NHSL2: variants seen among roughly 807,000 people sequenced by gnomAD.
The protein encoded by NHSL2 is NHS-like protein 2.
NHSL2 carries 27 observed loss-of-function variants against 53.4 expected under a neutral mutation model. That is an observed-to-expected ratio of 0.51 (90% CI 0.37 to 0.70). NHSL2 has a LOEUF of 0.70. Among genes scored for constraint, NHSL2 ranks in the 30% least tolerant of loss-of-function variants. The pLI is 0.00. For missense variants in NHSL2, 892 were observed against 980.1 expected (o/e 0.91, Z 1.20); for synonymous variants, 408 against 404.1 (o/e 1.01, Z -0.12).
chrX:72,009,036 T>G (rs753246474), intron 1 of NHSL2, among the ~76,000 whole-genome samples: 2 of 112,486 alleles, frequency 1.8e-5, no homozygotes, highest in South Asian at 7.3e-4. Flanking sequence ...TGACATGATC[T>G]CCTACAAATC....
chrX:72,126,204 A>G (rs1444400362), intron 1 of NHSL2, among the ~76,000 whole-genome samples: 2 of 111,681 alleles, frequency 1.8e-5, no homozygotes, highest in South Asian at 3.8e-4. Context: ...CTCTGAAACC[A>G]GGGTTTGTTT....
At chrX:72,081,809 T>C (rs1308954627) in intron 1 of NHSL2, among the ~76,000 whole-genome samples, 1 of 112,736 alleles carries the variant, frequency 8.9e-6, no homozygotes, top group Non-Finnish European at 1.9e-5. Context: ...TAAATCTTTG[T>C]CCTAGACAAC....
At chrX:71,955,895 C>T (rs150297556) in intron 1 of NHSL2, among the ~76,000 whole-genome samples, 1 of 110,803 alleles carries the variant, frequency 9.0e-6, no homozygotes, top group East Asian at 2.8e-4. Context: ...CTCTCCCTGG[C>T]TCGCCCTGGA....
chrX:72,024,256 T>C lies in NHSL2; in HGVS notation c.281-107823T>C, dbSNP rs757984973. 1.1e-4 allele frequency among the ~76,000 whole-genome samples: 12 copies of C among 111,670 alleles called. No individual in the cohort carries two copies. In the South Asian group the frequency reaches 1.8e-3, roughly 17 times the overall value. On this transcript the variant is annotated intron_variant, in intron 1 of 7. Coordinates refer to ENST00000633930, the MANE Select transcript of NHSL2 (RefSeq NM_001013627.3). ...CTCTTACACAGGAAGCTGAGATCTATGGTAGGGCTTGTAACTATAATGGTT... is the reference window on the plus strand; with the variant it reads ...CTCTTACACAGGAAGCTGAGATCTACGGTAGGGCTTGTAACTATAATGGTT...
chrX:71,942,934 C>T (rs766203420), intron 1 of NHSL2, among the ~76,000 whole-genome samples: 1 of 105,265 alleles, frequency 9.5e-6, no homozygotes, highest in African/African-American at 3.5e-5. Context: ...TAGTCTTTGT[C>T]GAGGGCTCTA....
At position 71,954,062 on chromosome X, in the gene NHSL2, C is replaced by T. The variant is rs929667691; in HGVS notation, c.280+42695C>T. ...AAATCTGCACTAAGCTTGACTTCTGCTTATAAAACTACTCCTTGCTCCATT... is the reference window on the plus strand; with the variant it reads ...AAATCTGCACTAAGCTTGACTTCTGTTTATAAAACTACTCCTTGCTCCATT... On this transcript the variant is annotated intron_variant, in intron 1 of 7. Transcript: ENST00000633930. Among the ~76,000 whole-genome samples, 5 of 112,424 alleles carry T rather than the reference C, an allele frequency of 4.4e-5. No homozygotes were observed. The Admixed American group carries it at 4.7e-4, about 11-fold the overall frequency.
intron 1 of NHSL2, among the ~76,000 whole-genome samples, chrX:71,916,291 CATT>C (rs2041627676): frequency 8.9e-6 from 1 of 112,190 alleles, no homozygotes; most frequent in Non-Finnish European, 1.9e-5. Flanking sequence ...AAGAAAGTAA[CATT>C]ATTACCAAAA....
chrX:72,056,848 C>T (rs999722768), intron 1 of NHSL2, among the ~76,000 whole-genome samples: 2 of 112,705 alleles, frequency 1.8e-5, no homozygotes, highest in Non-Finnish European at 3.7e-5. Flanking sequence ...TCTATGGCAG[C>T]TGCTTTACGC....
chrX:71,974,847 G>A lies in NHSL2; in HGVS notation c.280+63480G>A, dbSNP rs759294168. The stretch of plus-strand genomic sequence containing the variant: ...CTACCTTAATGGAAAGTGTGATAGC[G>A]CTGTGCCACTGGGACAGATACCTCC... On this transcript the variant is annotated intron_variant, in intron 1 of 7. Transcript: ENST00000633930. Among the ~76,000 whole-genome samples the A allele has an allele frequency of 7.1e-5, 8 of 112,038 alleles. No individual in the cohort carries two copies. In the South Asian group the frequency reaches 1.1e-3, roughly 16 times the overall value.
At chrX:72,121,525 C>T (rs1019502037) in intron 1 of NHSL2, among the ~76,000 whole-genome samples, 2 of 111,697 alleles carry the variant, frequency 1.8e-5, no homozygotes, top group African/African-American at 3.3e-5. Context: ...CAAGTGTGAC[C>T]GCCTCAGCCC....
intron 1 of NHSL2, among the ~76,000 whole-genome samples, chrX:72,058,469 C>T (rs1033061427): frequency 1.8e-5 from 2 of 111,674 alleles, no homozygotes; most frequent in African/African-American, 3.3e-5. Flanking sequence ...CTCAGCGTCC[C>T]GAGTAGCTGG....
At chrX:72,119,183 G>T (rs1367454561) in intron 1 of NHSL2, among the ~76,000 whole-genome samples, 2 of 111,531 alleles carry the variant, frequency 1.8e-5, no homozygotes, top group Non-Finnish European at 3.8e-5. Context: ...CTATAGCATT[G>T]TATAAAGTTT....
rs771573442 is a variant in NHSL2, at chrX:72,033,183, C to CTTT, written c.281-98878_281-98876dup. 3.2e-3 allele frequency among the ~76,000 whole-genome samples: 250 copies of CTTT among 78,961 alleles called. 1 individual carries two copies. The highest frequency in any genetic ancestry group is 0.011 in the African/African-American group (225 of 19,848). The allele number at this position is 78,961 out of a possible 115,157, so 68.6% of individuals were successfully genotyped here. A position where few individuals can be genotyped will look rare whatever the true frequency, so the allele number is the denominator to read the frequency against. ...TATAAATCAATTTGGGAAGAATTGA[C>CTTT]TTTTTTTTTTTTTTTTTTTTGGGAG... On this transcript the variant is annotated intron_variant, in intron 1 of 7. Transcript: ENST00000633930.
chrX:72,118,696 G>A (rs1198365491), intron 1 of NHSL2, among the ~76,000 whole-genome samples: 1 of 112,011 alleles, frequency 8.9e-6, no homozygotes, highest in Non-Finnish European at 1.9e-5. Flanking sequence ...AAAGTGTTAG[G>A]ATTACAGGCA....
intron 1 of NHSL2, among the ~76,000 whole-genome samples, chrX:71,919,416 T>C (rs1413877975): frequency 1.8e-5 from 2 of 112,158 alleles, no homozygotes; most frequent in African/African-American, 6.5e-5. Context: ...ACACCATCAC[T>C]AAATACTAAG....
intron 1 of NHSL2, among the ~76,000 whole-genome samples, chrX:72,064,892 C>T (rs950225343): frequency 6.3e-5 from 7 of 111,620 alleles, no homozygotes; most frequent in African/African-American, 2.3e-4. Flanking sequence ...CCCCAAACTC[C>T]AAGTGAAGAC....
intron 1 of NHSL2, among the ~76,000 whole-genome samples, chrX:72,102,891 AG>A (rs969372487): frequency 8.9e-6 from 1 of 112,164 alleles, no homozygotes; most frequent in African/African-American, 3.2e-5. Flanking sequence ...GGTGAACACC[AG>A]GGTGACTCGT....
chrX:72,076,985 G>T (rs2041749084), intron 1 of NHSL2, among the ~76,000 whole-genome samples: 1 of 110,839 alleles, frequency 9.0e-6, no homozygotes. Flanking sequence ...ATTAGGGAGG[G>T]TAGCACAGAG....
At chrX:71,921,434 A>G (rs1374778913) in intron 1 of NHSL2, among the ~76,000 whole-genome samples, 4 of 109,810 alleles carry the variant, frequency 3.6e-5, no homozygotes, top group Admixed American at 9.7e-5. Context: ...AAAAAAAAAA[A>G]AGAGAGAGAG....
Sources: allele counts gnomAD v4.1 joint callset (sites outside exome capture counted in the v4.1 genomes callset), GRCh38; gene constraint gnomAD v4.1.1; transcripts MANE v1.5; gene names NCBI Gene and HGNC (gene_info 2026-07-23, HGNC 2026-07-21).